RBPMS: variants seen among roughly 807,000 people sequenced by gnomAD.
RBPMS encodes RNA-binding protein with multiple splicing.
Under a neutral mutation model 26.8 loss-of-function variants are expected in RBPMS, and 7 were observed. That is an observed-to-expected ratio of 0.26 (90% CI 0.15 to 0.49). The LOEUF (loss-of-function observed/expected upper bound fraction) is 0.49, where lower values mean the gene tolerates loss of function less well. Among genes scored for constraint, RBPMS ranks in the 20% least tolerant of loss-of-function variants. RBPMS has a pLI of 0.98. For synonymous variants in RBPMS, 96 were observed against 93.3 expected (o/e 1.03, Z -0.17); for missense variants, 186 against 250.0 (o/e 0.74, Z 1.73).
At chr8:30,525,262 A>G (rs947131550) in intron 5 of RBPMS, among the ~76,000 whole-genome samples, 15 of 152,338 alleles carry the variant, frequency 9.8e-5, no homozygotes, top group African/African-American at 3.4e-4. Flanking sequence ...CTAGACACAG[A>G]TATCAACAAA....
chr8:30,517,369 TTC>T (rs1822457277), intron 5 of RBPMS, among the ~76,000 whole-genome samples: 1 of 152,142 alleles, frequency 6.6e-6, no homozygotes, highest in Non-Finnish European at 1.5e-5. Context: ...CTTCTTTTCA[TTC>T]TGTGCTTCGT....
At chr8:30,558,280 GAC>G (rs1450767072) in intron 6 of RBPMS, 1 of 153,782 alleles carries the variant, frequency 6.5e-6, no homozygotes, top group Admixed American at 6.4e-5. Context: ...TAATGGAAGA[GAC>G]AGGGCTGCTG....
At chr8:30,442,361 T>C (rs1354852451) in intron 1 of RBPMS, among the ~76,000 whole-genome samples, 2 of 152,198 alleles carry the variant, frequency 1.3e-5, no homozygotes, top group African/African-American at 4.8e-5. Flanking sequence ...GCTTTTCACC[T>C]TGGCCCTTCG....
intron 1 of RBPMS, among the ~76,000 whole-genome samples, chr8:30,458,123 T>A (rs1281170022): frequency 1.3e-5 from 2 of 152,232 alleles, no homozygotes; most frequent in Non-Finnish European, 2.9e-5. Context: ...TAATATGATA[T>A]AAATGCTATG....
At chr8:30,518,986 T>A (rs1251225082) in intron 5 of RBPMS, among the ~76,000 whole-genome samples, 1 of 152,036 alleles carries the variant, frequency 6.6e-6, no homozygotes, top group Non-Finnish European at 1.5e-5. Context: ...AAAAAGTCTC[T>A]CCCTTGTGAC....
At chr8:30,564,070 G>A (rs1185581323) in intron 7 of RBPMS, 1 of 152,184 alleles carries the variant, frequency 6.6e-6, no homozygotes, top group African/African-American at 2.4e-5. Context: ...TAAATAATAA[G>A]GCCAGGTAAG....
intron 5 of RBPMS, among the ~76,000 whole-genome samples, chr8:30,540,685 T>A (rs1825292444): frequency 6.6e-6 from 1 of 152,172 alleles, no homozygotes; most frequent in South Asian, 2.1e-4. Flanking sequence ...TGCTTCTGCC[T>A]CCCAGAGCAC....
intron 6 of RBPMS, among the ~76,000 whole-genome samples, chr8:30,552,161 C>T (rs184312895): frequency 1.3e-5 from 2 of 152,156 alleles, no homozygotes; most frequent in East Asian, 1.9e-4. Context: ...GTGGCTGTGG[C>T]GTATACCGAG....
intron 5 of RBPMS, among the ~76,000 whole-genome samples, chr8:30,509,731 G>A (rs554444056): frequency 3.3e-5 from 5 of 152,330 alleles, no homozygotes; most frequent in African/African-American, 1.2e-4. Flanking sequence ...GACTGGGCAG[G>A]AGGAATACCT....
At chr8:30,509,986 ATC>A (rs1387419872) in intron 5 of RBPMS, among the ~76,000 whole-genome samples, 1 of 152,246 alleles carries the variant, frequency 6.6e-6, no homozygotes, top group Admixed American at 6.5e-5. Context: ...AATAAAATGT[ATC>A]TCTTTCTGCA....
At position 30,500,439 on chromosome 8, in the gene RBPMS, T is replaced by C. The variant is rs1820443355; in HGVS notation, c.247-3847T>C. Among the ~76,000 whole-genome samples, 3 of 152,024 alleles carry C rather than the reference T, an allele frequency of 2.0e-5. No homozygotes were observed. The South Asian group carries it at 6.3e-4, about 32-fold the overall frequency. ...TCTAAGCATTTTTTTTCTAAATGAG[T>C]CATTCCATTGTCCCTAAAACTCATT... On this transcript the variant is annotated intron_variant, in intron 4 of 8. Transcript: ENST00000397323.
At chr8:30,545,266 G>C in intron 6 of RBPMS, 1 of 1,215,590 alleles carries the variant, frequency 8.2e-7, no homozygotes, top group Non-Finnish European at 1.0e-6. Flanking sequence ...GTTAAAAATA[G>C]CCTGATTTTT....
intron 1 of RBPMS, among the ~76,000 whole-genome samples, chr8:30,385,572 C>T (rs1000315799): frequency 3.9e-5 from 6 of 151,934 alleles, no homozygotes; most frequent in Non-Finnish European, 7.4e-5. Context: ...GGAAAGTTCT[C>T]GTTAAAAGAT....
At chr8:30,544,693 A>C (rs779965300) in intron 6 of RBPMS, 69 bp downstream of exon 6, 1 of 1,606,634 alleles carries the variant, frequency 6.2e-7, no homozygotes, top group Non-Finnish European at 8.5e-7. Flanking sequence ...GGTTCCCGAG[A>C]GCACACCATA....
intron 5 of RBPMS, among the ~76,000 whole-genome samples, chr8:30,533,292 A>G (rs1295996925): frequency 1.3e-5 from 2 of 152,230 alleles, no homozygotes; most frequent in East Asian, 1.9e-4. Flanking sequence ...TGCCTCTGAA[A>G]GCAAGGGAGG....
At chr8:30,468,217 C>T (rs764655792) in intron 1 of RBPMS, among the ~76,000 whole-genome samples, 13 of 152,002 alleles carry the variant, frequency 8.6e-5, no homozygotes, top group African/African-American at 2.2e-4. Flanking sequence ...TGAAATTGGA[C>T]GTATGTATTT....
At chr8:30,456,417 G>A (rs2150762997) in intron 1 of RBPMS, among the ~76,000 whole-genome samples, 1 of 152,266 alleles carries the variant, frequency 6.6e-6, no homozygotes, top group Non-Finnish European at 1.5e-5. Flanking sequence ...CTTATTCCCT[G>A]GGTCCATAGT....
At chr8:30,528,085 G>A (rs1033469301) in intron 5 of RBPMS, among the ~76,000 whole-genome samples, 2 of 151,842 alleles carry the variant, frequency 1.3e-5, no homozygotes, top group African/African-American at 4.8e-5. Context: ...TGAGGCAGGA[G>A]AATCGCTTGA....
intron 1 of RBPMS, among the ~76,000 whole-genome samples, chr8:30,411,562 G>C (rs1809398872): frequency 1.3e-5 from 2 of 151,830 alleles, no homozygotes; most frequent in South Asian, 4.2e-4. Context: ...CTACTTGGGA[G>C]GCTGAGGTGA....
Sources: gnomAD v4.1 joint callset for allele counts (sites outside exome capture counted in the v4.1 genomes callset) on GRCh38, gnomAD v4.1.1 for gene constraint, MANE v1.5 for transcripts, NCBI Gene and HGNC (gene_info 2026-07-23, HGNC 2026-07-21) for gene names.